Variants in CRISPLD1 observed in about 807,000 individuals in gnomAD.
CRISPLD1 encodes cysteine-rich secretory protein LCCL domain-containing 1.
A neutral mutation model predicts 77.5 loss-of-function variants in CRISPLD1; 60 were observed. The ratio of observed to expected loss-of-function variants is 0.77; its 90% CI spans 0.63 to 0.96. The LOEUF is 0.96. CRISPLD1 is among the 40% of genes least tolerant of loss of function. CRISPLD1 has a pLI of 0.00. For synonymous variants in CRISPLD1, 195 were observed against 200.1 expected, an observed-to-expected ratio of 0.97 and a Z score of 0.22; for missense variants, 623 against 615.8, an observed-to-expected ratio of 1.01 and a Z score of -0.12.
In CRISPLD1 at chr8:75,029,456, A is replaced by G; in HGVS notation, c.1390A>G (p.Met464Val). 6.2e-7 allele frequency: 1 copy of G among 1,613,880 alleles called. No homozygotes were observed. Among genetic ancestry groups the G allele is most frequent in the Non-Finnish European group, 8.5e-7 (1 of 1,179,814 alleles). Residue 464 changes from methionine (M) to valine (V), a missense_variant, in exon 14 of 15, where the codon ATG (methionine) becomes GTG (valine). Coordinates refer to ENST00000262207, the MANE Select transcript of CRISPLD1 (RefSeq NM_031461.6). Reference sequence around the variant, plus strand: ...AAATCACGGTGGTTATGTTGATGTAATGCCTGTGGACAAAAGAAAGACCTA... The same window carrying G: ...AAATCACGGTGGTTATGTTGATGTAGTGCCTGTGGACAAAAGAAAGACCTA... ...VRNHGGYVDV[M>V]PVDKRKTYIA...
At chr8:74,994,793 GA>G (rs1812622460) in intron 2 of CRISPLD1, among the ~76,000 whole-genome samples, 1 of 152,160 alleles carries the variant, frequency 6.6e-6, no homozygotes, top group East Asian at 1.9e-4. Context: ...TTTCATTTTG[GA>G]GGCAGTGCAG....
chr8:74,999,424 G>A (rs1812700622), intron 2 of CRISPLD1, among the ~76,000 whole-genome samples: 1 of 152,174 alleles, frequency 6.6e-6, no homozygotes, highest in Admixed American at 6.5e-5. Context: ...TATGATTTTG[G>A]AGGGTAGAAA....
chr8:75,017,512 T>C, intron 10 of CRISPLD1, 62 bp downstream of exon 10: 1 of 1,097,446 alleles, frequency 9.1e-7, no homozygotes. Context: ...AGCTAACACA[T>C]TTTTTTTTAG....
At chr8:74,994,531 C>T (rs1317761401) in intron 2 of CRISPLD1, among the ~76,000 whole-genome samples, 1 of 152,106 alleles carries the variant, frequency 6.6e-6, no homozygotes, top group Non-Finnish European at 1.5e-5. Context: ...CTCTGGTCAC[C>T]CATTTTACCC....
At chr8:74,995,215 G>GA (rs1198217146) in intron 2 of CRISPLD1, among the ~76,000 whole-genome samples, 1 of 152,124 alleles carries the variant, frequency 6.6e-6, no homozygotes, top group Non-Finnish European at 1.5e-5. Flanking sequence ...GAATTAGGAA[G>GA]AAAACTAGAA....
At chr8:74,988,793 C>T (rs56839628) in intron 2 of CRISPLD1, among the ~76,000 whole-genome samples, 18,880 of 152,160 alleles carry the variant, frequency 0.12, 1,713 homozygotes, top group African/African-American at 0.25. Flanking sequence ...TGAGATCACA[C>T]CACTGCACTC....
At chr8:75,029,069 A>T (rs765567311) in intron 13 of CRISPLD1, among the ~76,000 whole-genome samples, 1 of 152,186 alleles carries the variant, frequency 6.6e-6, no homozygotes, top group Non-Finnish European at 1.5e-5. Flanking sequence ...GAGATAAAAG[A>T]AGCTAATTTG....
At chr8:74,996,959 C>G (rs1167911319) in intron 2 of CRISPLD1, among the ~76,000 whole-genome samples, 1 of 152,060 alleles carries the variant, frequency 6.6e-6, no homozygotes, top group African/African-American at 2.4e-5. Flanking sequence ...TCAAGTGATC[C>G]TCCTGCCTCG....
chr8:75,016,484 G>A (rs1813029161), intron 6 of CRISPLD1, 81 bp from the exon 7 acceptor site: 2 of 1,307,908 alleles, frequency 1.5e-6, no homozygotes, highest in Non-Finnish European at 2.1e-6. Context: ...TTAAATAGGA[G>A]TATTAAAGTA....
chr8:75,005,383 A>G (rs989045546), intron 2 of CRISPLD1, among the ~76,000 whole-genome samples: 1 of 147,426 alleles, frequency 6.8e-6, no homozygotes, highest in African/African-American at 2.6e-5. Flanking sequence ...CAAACTTGAT[A>G]TAATCAAAGA....
At chr8:74,988,537 G>A (rs940145797) in intron 2 of CRISPLD1, among the ~76,000 whole-genome samples, 3 of 151,956 alleles carry the variant, frequency 2.0e-5, no homozygotes, top group African/African-American at 7.3e-5. Context: ...AACTTTTAGG[G>A]TTAAAAATTG....
chr8:74,985,184 T>A (rs1812476849), intron 1 of CRISPLD1, among the ~76,000 whole-genome samples: 1 of 152,070 alleles, frequency 6.6e-6, no homozygotes. Context: ...AGTGTGTGCC[T>A]TCACACTTGA....
rs770931663 is a variant in CRISPLD1, at chr8:75,014,046, C to T, written c.570C>T (p.Asn190=). The T allele has an allele frequency of 1.2e-6, 2 of 1,613,162 alleles. No homozygotes were observed. The highest frequency in any genetic ancestry group is 2.2e-5 in the South Asian group (2 of 91,058). ...GCAINLCHNM[N]IWGQIWPKAV... ...CCATTAATTTGTGTCATAACATGAA[C>T]ATCTGGGGGCAGATATGGCCCAAAG... The change falls in exon 5 of 15, where the codon AAC becomes AAT. Residue 190 remains asparagine (N), a synonymous_variant. Transcript: ENST00000262207.
intron 10 of CRISPLD1, 76 bp downstream of exon 10, chr8:75,017,526 A>G: frequency 8.2e-7 from 1 of 1,225,370 alleles, no homozygotes; most frequent in Non-Finnish European, 1.1e-6. Flanking sequence ...TTTTTAGAGC[A>G]AAGCATAGAA....
Position 74,986,681 on chromosome 8 carries a change from T to C in CRISPLD1, c.258+436T>C, listed in dbSNP as rs1015469196. Among the ~76,000 whole-genome samples the C allele has an allele frequency of 2.6e-5, 4 of 152,242 alleles. No individual in the cohort carries two copies. In the East Asian group the frequency reaches 7.7e-4, roughly 29 times the overall value. ...ATATTGTTCCTAATGGGTCTTTGTT[T>C]CTTATAAACATGTAAATGACATTGT... is the stretch of plus-strand genomic sequence containing the variant. On this transcript the variant is annotated intron_variant, in intron 2 of 14. Transcript: ENST00000262207.
chr8:74,991,118 A>G (rs1812567262), intron 2 of CRISPLD1, among the ~76,000 whole-genome samples: 2 of 151,810 alleles, frequency 1.3e-5, no homozygotes, highest in African/African-American at 4.8e-5. Context: ...TTAGCCTCCC[A>G]AGTACCTAAG....
intron 6 of CRISPLD1, among the ~76,000 whole-genome samples, chr8:75,016,196 T>C (rs936363738): frequency 6.6e-6 from 1 of 152,200 alleles, no homozygotes; most frequent in African/African-American, 2.4e-5. Context: ...ATTAAGAATA[T>C]GATTTTAATT....
At chr8:75,028,241 A>G (rs529521885) in intron 13 of CRISPLD1, among the ~76,000 whole-genome samples, 4 of 152,324 alleles carry the variant, frequency 2.6e-5, no homozygotes, top group African/African-American at 7.2e-5. Flanking sequence ...GCGATACAGC[A>G]AAAGCATGGA....
At chr8:75,014,241 CA>C (rs1812988069) in intron 5 of CRISPLD1, 139 bp downstream of exon 5, 1 of 621,882 alleles carries the variant, frequency 1.6e-6, no homozygotes, top group Non-Finnish European at 2.8e-6. Flanking sequence ...AATATGGCAA[CA>C]ATTGTAGTTG....
Sources: allele counts gnomAD v4.1 joint callset (sites outside exome capture counted in the v4.1 genomes callset), GRCh38; gene constraint gnomAD v4.1.1; transcripts MANE v1.5; gene names NCBI Gene and HGNC (gene_info 2026-07-23, HGNC 2026-07-21).